The following SLC13A3 variants were observed in gnomAD, a reference collection of about 807,000 sequenced individuals.
SLC13A3 encodes Na(+)/dicarboxylate cotransporter 3.
SLC13A3 carries 40 observed loss-of-function variants against 59.0 expected under a neutral mutation model. The ratio of observed to expected loss-of-function variants is 0.68; its 90% CI spans 0.53 to 0.88. SLC13A3 has a LOEUF of 0.88. SLC13A3 is among the 40% of genes least tolerant of loss of function. The pLI is 0.00. For synonymous variants in SLC13A3, 317 were observed against 330.3 expected (o/e 0.96, Z 0.44); for missense variants, 699 against 783.2 (o/e 0.89, Z 1.28).
intron 1 of SLC13A3, among the ~76,000 whole-genome samples, chr20:46,646,076 C>T (rs944957453): frequency 1.3e-5 from 2 of 152,092 alleles, no homozygotes; most frequent in Admixed American, 1.3e-4. Flanking sequence ...CCCTGAGGCT[C>T]AAATGAGATG....
At chr20:46,584,943 T>C (rs960877621) in intron 8 of SLC13A3, among the ~76,000 whole-genome samples, 1 of 152,152 alleles carries the variant, frequency 6.6e-6, no homozygotes, top group Non-Finnish European at 1.5e-5. Context: ...TAAAAAAAGA[T>C]AAAAGATAAC....
At chr20:46,647,801 G>C (rs568348911) in intron 1 of SLC13A3, among the ~76,000 whole-genome samples, 2 of 152,290 alleles carry the variant, frequency 1.3e-5, no homozygotes, top group South Asian at 4.2e-4. Flanking sequence ...AGCAGCAGTG[G>C]ACAGATGTCA....
At chr20:46,616,759 T>G in intron 1 of SLC13A3, among the ~76,000 whole-genome samples, 1 of 152,188 alleles carries the variant, frequency 6.6e-6, no homozygotes, top group East Asian at 1.9e-4. Context: ...CTACAGAGCT[T>G]TAGTAACCAC....
At chr20:46,588,901 G>T (rs1022732880) in intron 7 of SLC13A3, among the ~76,000 whole-genome samples, 2 of 152,128 alleles carry the variant, frequency 1.3e-5, no homozygotes, top group African/African-American at 4.8e-5. Flanking sequence ...GGAGGGAAAC[G>T]GTGCCTTGGG....
At chr20:46,589,801 A>G in intron 6 of SLC13A3, among the ~76,000 whole-genome samples, 1 of 152,230 alleles carries the variant, frequency 6.6e-6, no homozygotes, top group Non-Finnish European at 1.5e-5. Flanking sequence ...GCCATGTGGA[A>G]AAGAATGAAT....
At chr20:46,585,837 CT>C (rs1456394957) in intron 8 of SLC13A3, 1 of 1,228,754 alleles carries the variant, frequency 8.1e-7, no homozygotes, top group African/African-American at 1.6e-5. Context: ...TTGTTTCTTG[CT>C]TATAACAACC....
chr20:46,580,025 G>A (rs961145439), intron 9 of SLC13A3, among the ~76,000 whole-genome samples: 1 of 152,086 alleles, frequency 6.6e-6, no homozygotes, highest in Non-Finnish European at 1.5e-5. Flanking sequence ...GAGTGCAGTG[G>A]CGTGATCTCG....
chr20:46,643,076 G>A (rs6017953), intron 1 of SLC13A3, among the ~76,000 whole-genome samples: 6,048 of 152,004 alleles, frequency 0.04, 365 homozygotes, highest in African/African-American at 0.13. Flanking sequence ...TCACTTATTC[G>A]AGACATACTT....
chr20:46,600,414 GAAGGAAGGA>G (rs554500629), intron 3 of SLC13A3, among the ~76,000 whole-genome samples: 7,145 of 148,432 alleles, frequency 0.048, 234 homozygotes, highest in Non-Finnish European at 0.07. Flanking sequence ...AAGGAGGAAG[GAAGGAAGGA>G]AAGGAAGGAA....
At chr20:46,658,256 A>G (rs141603059) in intron 1 of SLC13A3, among the ~76,000 whole-genome samples, 140 of 152,312 alleles carry the variant, frequency 9.2e-4, no homozygotes, top group Middle Eastern at 3.4e-3. Flanking sequence ...CATAAAAAAA[A>G]CTACATTCTG....
At chr20:46,598,803 C>G (rs2694882) in intron 4 of SLC13A3, among the ~76,000 whole-genome samples, 1,657 of 152,184 alleles carry the variant, frequency 0.011, 30 homozygotes, top group African/African-American at 0.037. Flanking sequence ...CTCTCTCCCC[C>G]CCGAAGCCAA....
intron 10 of SLC13A3, among the ~76,000 whole-genome samples, chr20:46,572,812 T>C (rs904042224): frequency 6.6e-6 from 1 of 152,206 alleles, no homozygotes; most frequent in Admixed American, 6.5e-5. Context: ...TTTAGTAACT[T>C]GACAAAGATC....
chr20:46,605,099 T>C (rs2062424697), intron 3 of SLC13A3, among the ~76,000 whole-genome samples: 2 of 152,300 alleles, frequency 1.3e-5, no homozygotes, highest in African/African-American at 4.8e-5. Context: ...TAAGAGATTG[T>C]ATGTGCTATA....
chr20:46,568,809 C>G (rs1020351070), intron 10 of SLC13A3, among the ~76,000 whole-genome samples: 1 of 152,218 alleles, frequency 6.6e-6, no homozygotes, highest in Non-Finnish European at 1.5e-5. Flanking sequence ...AGGAGCTGCC[C>G]CGTAGCTGGG....
chr20:46,661,562 G>C (rs1457457258), intron 1 of SLC13A3, among the ~76,000 whole-genome samples: 1 of 152,176 alleles, frequency 6.6e-6, no homozygotes, highest in Admixed American at 6.5e-5. Flanking sequence ...CTCTTGTGTA[G>C]AGCCAAGTTG....
rs1188502814 is a variant in SLC13A3, at chr20:46,677,650, G to A, written c.-31+6746C>T. ...AGTTTTGGGATGCCCGTGAGGCCCT[G>A]GGGAAGATACATGCCATCTTATCTA... On this transcript the variant is annotated intron_variant, in intron 1 of 6. Coordinates refer to the SLC13A3 transcript ENST00000372121. Among the ~76,000 whole-genome samples the A allele has an allele frequency of 2.0e-5, 3 of 152,258 alleles. No homozygotes were observed. The East Asian group carries it at 5.8e-4, about 29-fold the overall frequency.
At chr20:46,650,288 C>T (rs1268160782) in intron 1 of SLC13A3, among the ~76,000 whole-genome samples, 6 of 152,184 alleles carry the variant, frequency 3.9e-5, no homozygotes, top group Middle Eastern at 3.4e-3. Flanking sequence ...TCTGACAAGC[C>T]GGGGACTGAA....
chr20:46,596,395 A>C, intron 4 of SLC13A3, 53 bp from the exon 5 acceptor site: 1 of 1,545,114 alleles, frequency 6.5e-7, no homozygotes, highest in Non-Finnish European at 8.9e-7. Flanking sequence ...AACAGGCCAC[A>C]GACTGCCTGG....
At chr20:46,599,576 G>T (rs1423489172) in intron 4 of SLC13A3, among the ~76,000 whole-genome samples, 3 of 152,124 alleles carry the variant, frequency 2.0e-5, no homozygotes, top group African/African-American at 4.8e-5. Flanking sequence ...AGTCATGTAG[G>T]GTGAAGGGCT....
Sources: allele counts gnomAD v4.1 joint callset (sites outside exome capture counted in the v4.1 genomes callset), GRCh38; gene constraint gnomAD v4.1.1; transcripts MANE v1.5; gene names NCBI Gene and HGNC (gene_info 2026-07-23, HGNC 2026-07-21).